Variants in SLC14A2 observed in about 807,000 individuals in gnomAD.
SLC14A2 encodes solute carrier family 14 member 2.
In SLC14A2, 91 loss-of-function variants were observed where a neutral mutation model predicts 104.6. The ratio of observed to expected loss-of-function variants is 0.87; its 90% CI spans 0.73 to 1.04. The LOEUF (loss-of-function observed/expected upper bound fraction) is 1.04. SLC14A2 is among the 50% of genes least tolerant of loss of function. The pLI is 0.00. For missense variants in SLC14A2, 1,189 were observed against 1,156.0 expected, an observed-to-expected ratio of 1.03 and a Z score of -0.41; for synonymous variants, 476 against 466.4, an observed-to-expected ratio of 1.02 and a Z score of -0.27.
rs1192573239 is a variant in SLC14A2 at position 45,667,995 on chromosome 18, T to C, written c.1880T>C (p.Leu627Ser). ...SGCLGTIMST[L>S]TALILSQDKS... is the part of the protein sequence containing the mutation. ...TGCCTGGGTACCATCATGTCCACCTTGACAGCCCTCATCCTGAGTCAGGAC... is the reference window on the plus strand; with the variant it reads ...TGCCTGGGTACCATCATGTCCACCTCGACAGCCCTCATCCTGAGTCAGGAC... Residue 627 changes from leucine (L) to serine (S), a missense_variant, in exon 14 of 20, where the codon TTG (leucine) becomes TCG (serine). By Grantham distance (145) the Leu-to-Ser change is moderately radical. Coordinates refer to ENST00000255226, the MANE Select transcript of SLC14A2 (RefSeq NM_007163.4). The C allele has an allele frequency of 1.9e-6, 3 of 1,614,108 alleles. No individual in the cohort carries two copies. In the Admixed American group the frequency reaches 5.0e-5, roughly 27 times the overall value.
chr18:45,268,585 C>T (rs755354462), intron 1 of SLC14A2, among the ~76,000 whole-genome samples: 2 of 152,238 alleles, frequency 1.3e-5, no homozygotes, highest in Admixed American at 6.5e-5. Flanking sequence ...GATAGCAACA[C>T]GGTTACATGA....
chr18:45,256,986 A>G (rs1229203906), intron 1 of SLC14A2, among the ~76,000 whole-genome samples: 1 of 152,264 alleles, frequency 6.6e-6, no homozygotes, highest in African/African-American at 2.4e-5. Context: ...TCTTGTCTGC[A>G]GATTGTATGC....
At chr18:45,396,618 T>G (rs76983491) in intron 1 of SLC14A2, among the ~76,000 whole-genome samples, 25 of 143,038 alleles carry the variant, frequency 1.7e-4, no homozygotes, top group Admixed American at 4.2e-4. Context: ...GTCAACCTGG[T>G]TTTTTTTTGT....
intron 1 of SLC14A2, among the ~76,000 whole-genome samples, chr18:45,430,545 TTTTA>T (rs2086498246): frequency 1.1e-5 from 1 of 90,572 alleles, no homozygotes; most frequent in African/African-American, 3.4e-5. Flanking sequence ...AGGGAAGTTA[TTTTA>T]TTTTATTTTA....
At chr18:45,585,776 C>T (rs916051777) in intron 2 of SLC14A2, among the ~76,000 whole-genome samples, 1 of 152,174 alleles carries the variant, frequency 6.6e-6, no homozygotes, top group Non-Finnish European at 1.5e-5. Context: ...CCACCTGCCC[C>T]CTTCTCCCTC....
At chr18:45,678,868 A>C in intron 18 of SLC14A2, 107 bp from the exon 19 acceptor site, 5 of 1,030,050 alleles carry the variant, frequency 4.9e-6, no homozygotes, top group Non-Finnish European at 7.0e-6. Flanking sequence ...AATCTTAGAG[A>C]TAGCATTTGT....
the SLC14A2 span, among the ~76,000 whole-genome samples, chr18:45,182,033 T>C: frequency 6.6e-6 from 1 of 151,984 alleles, no homozygotes; most frequent in Non-Finnish European, 1.5e-5. Flanking sequence ...AAGAGAATCA[T>C]TGGCAAATTC....
At chr18:45,471,395 A>G (rs904261563) in intron 1 of SLC14A2, among the ~76,000 whole-genome samples, 1 of 152,100 alleles carries the variant, frequency 6.6e-6, no homozygotes, top group South Asian at 2.1e-4. Context: ...ATTTTTCCTG[A>G]GACGGTTTAT....
intron 1 of SLC14A2, among the ~76,000 whole-genome samples, chr18:45,252,909 T>C (rs2084437993): frequency 6.6e-6 from 1 of 151,418 alleles, no homozygotes; most frequent in Non-Finnish European, 1.5e-5. Flanking sequence ...TTTCCTCCCA[T>C]CATGTTTTTA....
intron 1 of SLC14A2, among the ~76,000 whole-genome samples, chr18:45,411,816 C>T (rs1413929667): frequency 1.3e-5 from 2 of 152,098 alleles, no homozygotes; most frequent in East Asian, 1.9e-4. Context: ...GTGGGATCCC[C>T]TGGTACAAAG....
Position 45,599,625 on chromosome 18 carries a change from G to A in SLC14A2, c.-34-25006G>A, listed in dbSNP as rs116742911. 8.6e-3 allele frequency among the ~76,000 whole-genome samples: 1,315 copies of A among 152,250 alleles called. 24 individuals carry two copies. The highest frequency in any genetic ancestry group is 0.03 in the African/African-American group (1,243 of 41,544). On this transcript the variant is annotated intron_variant, in intron 2 of 20. Coordinates refer to the SLC14A2 transcript ENST00000586448. ...CATGACCCAGCCACTCTGCACCTCC[G>A]GCAGGGACACGGGTAAAGAGGACAC...
intron 1 of SLC14A2, among the ~76,000 whole-genome samples, chr18:45,293,566 G>T (rs1326445705): frequency 6.6e-6 from 1 of 151,572 alleles, no homozygotes; most frequent in East Asian, 1.9e-4. Flanking sequence ...GGGGCAGTGA[G>T]GGAAAAGTAG....
chr18:45,371,533 CTG>C (rs1196414862), intron 1 of SLC14A2, among the ~76,000 whole-genome samples: 3 of 152,158 alleles, frequency 2.0e-5, no homozygotes, highest in Non-Finnish European at 4.4e-5. Context: ...GAGGAATAAA[CTG>C]AGACTTAGCT....
chr18:45,330,350 G>A (rs2085276866), intron 1 of SLC14A2, among the ~76,000 whole-genome samples: 1 of 152,156 alleles, frequency 6.6e-6, no homozygotes, highest in Non-Finnish European at 1.5e-5. Context: ...TTGGTCACAG[G>A]CAAAAGAGTG....
intron 1 of SLC14A2, among the ~76,000 whole-genome samples, chr18:45,348,967 C>A (rs147560717): frequency 1.5e-3 from 223 of 152,318 alleles, no homozygotes; most frequent in African/African-American, 5.0e-3. Flanking sequence ...TCAGAGGTAT[C>A]AGCTTGCTTC....
chr18:45,513,455 C>A (rs1325013170), intron 2 of SLC14A2, among the ~76,000 whole-genome samples: 1 of 152,178 alleles, frequency 6.6e-6, no homozygotes, highest in Non-Finnish European at 1.5e-5. Context: ...ATGCTACTTA[C>A]ATTGGAATGA....
chr18:45,321,104 C>T (rs1257633204), intron 1 of SLC14A2, among the ~76,000 whole-genome samples: 1 of 152,182 alleles, frequency 6.6e-6, no homozygotes, highest in Non-Finnish European at 1.5e-5. Flanking sequence ...AAGTGGTTCT[C>T]ACTATTTGGT....
At chr18:45,263,262 T>C (rs1226906934) in intron 1 of SLC14A2, among the ~76,000 whole-genome samples, 1 of 152,184 alleles carries the variant, frequency 6.6e-6, no homozygotes, top group Admixed American at 6.5e-5. Context: ...TTTCTCGTGA[T>C]TGGATTGTGG....
At chr18:45,563,215 C>A (rs2044224949) in intron 2 of SLC14A2, among the ~76,000 whole-genome samples, 1 of 152,094 alleles carries the variant, frequency 6.6e-6, no homozygotes, top group Admixed American at 6.6e-5. Context: ...CCTGCATCCC[C>A]CACTGGCTCA....
Sources: allele counts gnomAD v4.1 joint callset (sites outside exome capture counted in the v4.1 genomes callset), GRCh38; gene constraint gnomAD v4.1.1; transcripts MANE v1.5; gene names NCBI Gene and HGNC (gene_info 2026-07-23, HGNC 2026-07-21).